Variants in PAPOLB observed in about 807,000 individuals in gnomAD.
The protein encoded by PAPOLB is PAP-beta.
In PAPOLB, 19 loss-of-function variants were observed where a neutral mutation model predicts 23.2. The ratio of observed to expected loss-of-function variants is 0.82; its 90% CI spans 0.57 to 1.20. PAPOLB has a LOEUF of 1.20. Ranked by LOEUF, PAPOLB falls within the 50% of genes most tolerant of loss-of-function variation. The probability of loss-of-function intolerance (pLI) is 0.00; values close to 1 mark genes in which losing one functional copy is unlikely to be tolerated. For missense variants in PAPOLB, 822 were observed against 776.8 expected (o/e 1.06, Z -0.69); for synonymous variants, 360 against 290.7 (o/e 1.24, Z -2.43).
Position 4,860,090 on chromosome 7 carries a change from T to TC in PAPOLB, c.1720dup (p.Glu574GlyfsTer11). The TC allele has an allele frequency of 6.2e-7, 1 of 1,614,036 alleles. No individual in the cohort carries two copies. The highest frequency in any genetic ancestry group is 8.5e-7 in the Non-Finnish European group (1 of 1,179,888). On this transcript the variant is annotated frameshift_variant, in exon 1 of 1. Transcript: ENST00000404991. ...GGTATTCACCTGTTGCAAGGAAAAT[T>TC]CAGTAGCCTGTATGTTAGCCACAGA...
chr7:4,860,592 C>T lies in PAPOLB; in HGVS notation c.1219G>A (p.Glu407Lys), dbSNP rs1783962143. Residue 407 changes from glutamate (E) to lysine (K), a missense_variant, in exon 1 of 1, where the codon GAG (glutamate) becomes AAG (lysine). Around this residue, in one of 3 missense-constraint regions of PAPOLB, gnomAD observed 534 missense variants for 502.8 expected, o/e 1.06. Coordinates refer to ENST00000404991, the MANE Select transcript of PAPOLB (RefSeq NM_020144.5). Reference protein sequence around the residue: ...SKIRILVGSLEKNEFITLAHV... With the variant: ...SKIRILVGSLKKNEFITLAHV... Reference sequence around the variant, plus strand: ...GCCAGTGTAATAAATTCATTCTTCTCCAAGCTCCCAACCAGGATTCGGATC... The same window carrying T: ...GCCAGTGTAATAAATTCATTCTTCTTCAAGCTCCCAACCAGGATTCGGATC... 1 of 1,614,192 alleles carries T rather than the reference C, an allele frequency of 6.2e-7. No individual in the cohort carries two copies. Among genetic ancestry groups the T allele is most frequent in the Non-Finnish European group, 8.5e-7 (1 of 1,180,004 alleles).
In PAPOLB at chr7:4,860,451, T is replaced by G. The variant is rs562804868; in HGVS notation, c.1360A>C (p.Ser454Arg). 2 of 1,614,218 alleles carry G rather than the reference T, an allele frequency of 1.2e-6. No homozygotes were observed. The highest frequency in any genetic ancestry group is 4.5e-5 in the East Asian group (2 of 44,888). Residue 454 changes from serine to arginine, a missense_variant, in exon 1 of 1, where the codon AGC becomes CGC. Ser to Arg is a moderately radical substitution (Grantham distance 110, BLOSUM62 -1). Transcript: ENST00000404991. ...TGGATATCATAGGTGAGATCAATGCTGAGAATTTCAGAATTATCTGGCTTT... is the reference window on the plus strand; with the variant it reads ...TGGATATCATAGGTGAGATCAATGCGGAGAATTTCAGAATTATCTGGCTTT... ...LKKPDNSEIL[S>R]IDLTYDIQSF...
chr7:4,860,472 GCTT>G lies in PAPOLB; in HGVS notation c.1336_1338del (p.Lys446del), dbSNP rs1315174209. ...ATGCTGAGAATTTCAGAATTATCTG[GCTT>G]TTTTAGCCCTAACCCAATCACCCAC... On this transcript the variant is annotated inframe_deletion, in exon 1 of 1. Coordinates refer to ENST00000404991, the MANE Select transcript of PAPOLB (RefSeq NM_020144.5). The G allele has an allele frequency of 6.2e-7, 1 of 1,614,086 alleles. No individual in the cohort carries two copies. Among genetic ancestry groups the G allele is most frequent in the Admixed American group, 1.7e-5 (1 of 60,026 alleles).
Position 4,860,805 on chromosome 7 carries a change from T to A in PAPOLB, c.1006A>T (p.Met336Leu), listed in dbSNP as rs1240279333. ...STYNVSISTR[M>L]VMIEEFKQGL... ...TGTTTAAACTCCTCAATCATGACCA[T>A]CCTGGTTGAAATAGACACGTTGTAT... Residue 336 changes from methionine (M) to leucine (L), a missense_variant, in exon 1 of 1, where the codon ATG becomes TTG. Transcript: ENST00000404991. 2 of 1,614,040 alleles carry A rather than the reference T, an allele frequency of 1.2e-6. No homozygotes were observed. Among genetic ancestry groups the A allele is most frequent in the Non-Finnish European group, 8.5e-7 (1 of 1,180,048 alleles).
Position 4,861,499 on chromosome 7 carries a change from G to A in PAPOLB, c.312C>T (p.Tyr104=), listed in dbSNP as rs778850967. The change falls in exon 1 of 1, where the codon TAC becomes TAT. Residue 104 remains tyrosine (Y), a synonymous_variant. Coordinates refer to ENST00000404991, the MANE Select transcript of PAPOLB (RefSeq NM_020144.5). ...CGCCTTTCGTATGTACTCCTAATCT[G>A]TAAGAGCCAAACGTAAAAATCTTTC... ...VGGKIFTFGS[Y]RLGVHTKGAD... is the part of the protein sequence containing the mutation. 3 of 1,613,954 alleles carry A rather than the reference G, an allele frequency of 1.9e-6. No individual in the cohort carries two copies. Among genetic ancestry groups the A allele is most frequent in the Admixed American group, 1.7e-5 (1 of 59,992 alleles).
In PAPOLB at chr7:4,860,331, GTTCCT is replaced by G. The variant is rs1466713366; in HGVS notation, c.1475_1479del (p.Lys492ThrfsTer21). 24 of 1,613,868 alleles carry G rather than the reference GTTCCT, an allele frequency of 1.5e-5. No homozygotes were observed. Among genetic ancestry groups the G allele is most frequent in the Non-Finnish European group, 1.9e-5 (22 of 1,179,894 alleles). On this transcript the variant is annotated frameshift_variant, in exon 1 of 1. Coordinates refer to ENST00000404991, the MANE Select transcript of PAPOLB (RefSeq NM_020144.5). ...ACATGATGAGGCAGCAGCTGGTGAA[GTTCCT>G]TTCTTCTTAAATGCATTGCAGTAAT...
rs905934097 is a variant in PAPOLB at position 4,861,739 on chromosome 7, G to A, written c.72C>T (p.Ser24=). The A allele has an allele frequency of 2.6e-6, 4 of 1,514,550 alleles. No individual in the cohort carries two copies. The African/African-American group carries it at 4.2e-5, about 16-fold the overall frequency. 93.8% of individuals were successfully genotyped at this position (1,514,550 alleles called of 1,614,324 possible). A position where few individuals can be genotyped will look rare whatever the true frequency, so the allele number is the denominator to read the frequency against. ...TGGGGACCGCTAGACTGATAGGCGA[G>A]GAGACGCCGTAGCGATTCGGCGGCG... The part of the protein sequence containing the change: ...PAPPPNRYGV[S]SPISLAVPKE... Residue 24 remains serine (S), a synonymous_variant, in exon 1 of 1, where the codon TCC becomes TCT. Transcript: ENST00000404991.
Position 4,861,886 on chromosome 7 carries a change from C to A in PAPOLB, c.-76G>T. 1.7e-6 allele frequency: 1 copy of A among 585,658 alleles called. No homozygotes were observed. 36.3% of individuals were successfully genotyped at this position (585,658 alleles called of 1,614,324 possible). ...CGGCCGCCGCCCGGGTCATGATCCG[C>A]TGAGGCGGAAGGGCAGGGCTTCTAG... On this transcript the variant is annotated 5_prime_UTR_variant, in exon 1 of 1. Transcript: ENST00000404991.
Position 4,860,058 on chromosome 7 carries a change from T to G in PAPOLB, c.1753A>C (p.Ser585Arg), listed in dbSNP as rs754940717. The G allele has an allele frequency of 1.1e-5, 17 of 1,613,924 alleles. No individual in the cohort carries two copies. The highest frequency in any genetic ancestry group is 1.4e-5 in the Non-Finnish European group (17 of 1,179,892). ...CTTTCGTTTAATGCAACCCCTGAAC[T>G]TTCATTGGTATTCACCTGTTGCAAG... The part of the protein sequence containing the change: ...FSLQQVNTNE[S>R]SGVALNESIP... The change falls in exon 1 of 1, where the codon AGT (serine) becomes CGT (arginine). Residue 585 changes from serine (S) to arginine (R), a missense_variant. This residue lies in a region of PAPOLB where 534 missense variants were observed against 502.8 expected (regional missense o/e 1.06). Transcript: ENST00000404991.
Position 4,860,374 on chromosome 7 carries a change from C to T in PAPOLB, c.1437G>A (p.Glu479=), listed in dbSNP as rs187469584. Residue 479 remains glutamate (E), a synonymous_variant, in exon 1 of 1, where the codon GAG becomes GAA. Transcript: ENST00000404991. The part of the protein sequence containing the change: ...YRQAVNSKMF[E]MGMKITAMHL... ...GCATTGCAGTAATTTTCATACCCAT[C>T]TCAAACATCTTACTATTCACTGCTT... is the stretch of plus-strand genomic sequence containing the variant. The T allele has an allele frequency of 2.2e-4, 358 of 1,613,962 alleles. No individual in the cohort carries two copies. The African/African-American group carries it at 4.4e-3, about 20-fold the overall frequency.
Position 4,861,834 on chromosome 7 carries a change from G to GCACGTCCCCCACTACCGCGACCTT in PAPOLB, c.-25_-24insAAGGTCGCGGTAGTGGGGGACGTG. 7.9e-7 allele frequency: 1 copy of GCACGTCCCCCACTACCGCGACCTT among 1,268,416 alleles called. No individual in the cohort carries two copies. The highest frequency in any genetic ancestry group is 1.0e-6 in the Non-Finnish European group (1 of 972,358). The allele number at this position is 1,268,416 out of a possible 1,614,324, so 78.6% of individuals were successfully genotyped here. A position where few individuals can be genotyped will look rare whatever the true frequency, so the allele number is the denominator to read the frequency against. On this transcript the variant is annotated 5_prime_UTR_variant, in exon 1 of 1. Transcript: ENST00000404991. ...ATCTTTCAGCGCCCGCCCCGCCAGGGCACGTCCCCCACCACCGCGACCTTC... is the reference window on the plus strand; with the variant it reads ...ATCTTTCAGCGCCCGCCCCGCCAGGGCACGTCCCCCACTACCGCGACCTTCACGTCCCCCACCACCGCGACCTTC...
At position 4,859,977 on chromosome 7, in the gene PAPOLB, C is replaced by T. The variant is rs1783935728; in HGVS notation, c.1834G>A (p.Ala612Thr). The change falls in exon 1 of 1, where the codon GCC becomes ACC. Residue 612 changes from alanine to threonine, a missense_variant. Ala to Thr is a moderately conservative substitution (Grantham distance 58). Transcript: ENST00000404991. ...AISPSPKAMV[A>T]RVVSSTCLIS... ...AGACATGTTGAAGAAACAACTCTGG[C>T]GACCATGGCCTTTGGTGATGGAGAA... The T allele has an allele frequency of 1.2e-6, 2 of 1,613,846 alleles. No homozygotes were observed. The highest frequency in any genetic ancestry group is 1.7e-5 in the Admixed American group (1 of 59,996).
At position 4,861,714 on chromosome 7, in the gene PAPOLB, T is replaced by C. The variant is rs1425812657; in HGVS notation, c.97A>G (p.Lys33Glu). 3 of 1,569,074 alleles carry C rather than the reference T, an allele frequency of 1.9e-6. No homozygotes were observed. The highest frequency in any genetic ancestry group is 2.6e-6 in the Non-Finnish European group (3 of 1,160,370). The change falls in exon 1 of 1, where the codon AAG becomes GAG. Residue 33 changes from lysine (K) to glutamate (E), a missense_variant. Transcript: ENST00000404991. ...VSSPISLAVP[K>E]ETDCLLTQRL... ...TGGGTGAGGAGGCAGTCCGTCTCCT[T>C]GGGGACCGCTAGACTGATAGGCGAG...
chr7:4,860,554 T>G lies in PAPOLB; in HGVS notation c.1257A>C (p.Pro419=). The G allele has an allele frequency of 6.2e-7, 1 of 1,614,250 alleles. No homozygotes were observed. The highest frequency in any genetic ancestry group is 8.5e-7 in the Non-Finnish European group (1 of 1,180,036). The change falls in exon 1 of 1, where the codon CCA becomes CCC. Residue 419 remains proline, a synonymous_variant. Transcript: ENST00000404991. ...TTTCTTTGGGTGCTGGAAATGACTG[T>G]GGATTCACATGTGCCAGTGTAATAA... ...NEFITLAHVN[P]QSFPAPKENP... is the part of the protein sequence containing the mutation.
In PAPOLB at chr7:4,861,008, G is replaced by C. The variant is rs1458700270; in HGVS notation, c.803C>G (p.Thr268Ser). 3 of 1,614,084 alleles carry C rather than the reference G, an allele frequency of 1.9e-6. No homozygotes were observed. Among genetic ancestry groups the C allele is most frequent in the African/African-American group, 2.7e-5 (2 of 74,936 alleles). Residue 268 changes from threonine (T) to serine (S), a missense_variant, in exon 1 of 1, where the codon ACT (threonine) becomes AGT (serine). This residue lies in a region of PAPOLB where 534 missense variants were observed against 502.8 expected (regional missense o/e 1.06). Transcript: ENST00000404991. ...TACCAAGAAGAATTTCCGTACAAGAGTTGACGCTACTGCATTTGGATAAAG... is the reference window on the plus strand; with the variant it reads ...TACCAAGAAGAATTTCCGTACAAGACTTGACGCTACTGCATTTGGATAAAG... ...CQLYPNAVASTLVRKFFLVFS... is the reference protein window; with the variant it reads ...CQLYPNAVASSLVRKFFLVFS...
chr7:4,860,927 T>G lies in PAPOLB; in HGVS notation c.884A>C (p.Asn295Thr). Residue 295 changes from asparagine to threonine, a missense_variant, in exon 1 of 1, where the codon AAT (asparagine) becomes ACT (threonine). By Grantham distance (65) the Asn-to-Thr change is moderately conservative (BLOSUM62 0). Coordinates refer to ENST00000404991, the MANE Select transcript of PAPOLB (RefSeq NM_020144.5). ...TGGGTCCCATACAGGCAAATTAAGA[T>G]TCCGTTCTTCAGGCTCCTTCAGTAA... ...PVLLKEPEER[N>T]LNLPVWDPRV... 6.2e-7 allele frequency: 1 copy of G among 1,614,206 alleles called. No homozygotes were observed. The highest frequency in any genetic ancestry group is 1.6e-4 in the Middle Eastern group (1 of 6,062).
In PAPOLB at chr7:4,860,557, A is replaced by G. The variant is rs1783960910; in HGVS notation, c.1254T>C (p.Asn418=). The G allele has an allele frequency of 2.5e-6, 4 of 1,614,088 alleles. No individual in the cohort carries two copies. Among genetic ancestry groups the G allele is most frequent in the Middle Eastern group, 1.6e-4 (1 of 6,084 alleles). Residue 418 remains asparagine, a synonymous_variant, in exon 1 of 1, where the codon AAT becomes AAC. Coordinates refer to ENST00000404991, the MANE Select transcript of PAPOLB (RefSeq NM_020144.5). ...CTTTGGGTGCTGGAAATGACTGTGGATTCACATGTGCCAGTGTAATAAATT... is the reference window on the plus strand; with the variant it reads ...CTTTGGGTGCTGGAAATGACTGTGGGTTCACATGTGCCAGTGTAATAAATT... The part of the protein sequence containing the change: ...KNEFITLAHV[N]PQSFPAPKEN...
rs1451545655 is a variant in PAPOLB, at chr7:4,859,836, TC to T, written c.*60del. The T allele has an allele frequency of 9.6e-7, 1 of 1,046,068 alleles. No individual in the cohort carries two copies. Among genetic ancestry groups the T allele is most frequent in the Admixed American group, 2.4e-5 (1 of 42,386 alleles). The allele number at this position is 1,046,068 out of a possible 1,614,324, so 64.8% of individuals were successfully genotyped here. A position where few individuals can be genotyped will look rare whatever the true frequency, so the allele number is the denominator to read the frequency against. On this transcript the variant is annotated 3_prime_UTR_variant, in exon 1 of 1. Coordinates refer to ENST00000404991, the MANE Select transcript of PAPOLB (RefSeq NM_020144.5). ...TGTCTTTGTATTGAGTTTCTCCTCT[TC>T]CGTTTTGGTTTTCTTGGTCCTTTCT...
Position 4,861,807 on chromosome 7 carries a change from T to C in PAPOLB, c.4A>G (p.Met2Val). Residue 2 changes from methionine to valine, a missense_variant, in exon 1 of 1, where the codon ATG (methionine) becomes GTG (valine). Transcript: ENST00000404991. ...CCCTGGGTTGTCACCGGAAACGGCA[T>C]CATCTTTCAGCGCCCGCCCCGCCAG... M[M>V]PFPVTTQGPP... 1 of 1,373,566 alleles carries C rather than the reference T, an allele frequency of 7.3e-7. No individual in the cohort carries two copies. The highest frequency in any genetic ancestry group is 1.7e-5 in the South Asian group (1 of 59,612). 85.1% of individuals were successfully genotyped at this position (1,373,566 alleles called of 1,614,324 possible).
Sources: gnomAD v4.1 joint callset for allele counts on GRCh38, gnomAD v4.1.1 for gene constraint, gnomAD v4.1.1 regional missense constraint, MANE v1.5 for transcripts, NCBI Gene and HGNC (gene_info 2026-07-23, HGNC 2026-07-21) for gene names.